MYCT1: variants seen among roughly 807,000 people sequenced by gnomAD.
The protein encoded by MYCT1 is MYC target 1.
MYCT1 carries 12 observed loss-of-function variants against 15.0 expected under a neutral mutation model. The observed-to-expected ratio is 0.80, with a 90% CI of 0.51 to 1.29. The LOEUF (loss-of-function observed/expected upper bound fraction) is 1.29, where lower values mean the gene tolerates loss of function less well. MYCT1 is among the 50% of genes most tolerant of loss of function. The pLI, the probability that MYCT1 is intolerant of heterozygous loss-of-function variation, is 0.00. For missense variants in MYCT1, 287 were observed against 279.1 expected (o/e 1.03, Z -0.20); for synonymous variants, 104 against 102.7 (o/e 1.01, Z -0.07).
intron 1 of MYCT1, among the ~76,000 whole-genome samples, chr6:152,706,723 T>G (rs2099722335): frequency 6.6e-6 from 1 of 152,144 alleles, no homozygotes; most frequent in Non-Finnish European, 1.5e-5. Context: ...TGGTTAAAAG[T>G]TAGGGGTATT....
At chr6:152,709,224 G>C (rs2099722791) in intron 1 of MYCT1, among the ~76,000 whole-genome samples, 1 of 27,438 alleles carries the variant, frequency 3.6e-5, no homozygotes, top group Non-Finnish European at 7.7e-5. Context: ...ATTCCATGGT[G>C]TATATGTGCC....
chr6:152,739,529 G>A, the MYCT1 span, among the ~76,000 whole-genome samples: 1 of 151,740 alleles, frequency 6.6e-6, no homozygotes, highest in Non-Finnish European at 1.5e-5. Flanking sequence ...TTTAACTTAA[G>A]CCTCTTTCAT....
intron 1 of MYCT1, among the ~76,000 whole-genome samples, chr6:152,704,964 C>A (rs535336695): frequency 6.6e-6 from 1 of 152,118 alleles, no homozygotes; most frequent in African/African-American, 2.4e-5. Flanking sequence ...CAAGCTCCTG[C>A]GCAACTGAAA....
rs1424735609 is a variant in MYCT1 at position 152,722,061 on chromosome 6, A to G, written c.516A>G (p.Gln172=). 6.2e-7 allele frequency: 1 copy of G among 1,614,128 alleles called. No individual in the cohort carries two copies. Among genetic ancestry groups the G allele is most frequent in the South Asian group, 1.1e-5 (1 of 91,082 alleles). The change falls in exon 2 of 2, where the codon CAA becomes CAG. Residue 172 remains glutamine (Q), a synonymous_variant. Coordinates refer to ENST00000367245, the MANE Select transcript of MYCT1 (RefSeq NM_025107.3). ...FRASTFHPFL[Q]CPPLPVETES... ...CTTCTACTTTCCATCCCTTTCTGCA[A>G]TGTCCACCACTTCCTGTGGAAACTG...
intron 1 of MYCT1, among the ~76,000 whole-genome samples, chr6:152,706,541 A>T (rs1280723242): frequency 6.6e-6 from 1 of 152,156 alleles, no homozygotes; most frequent in Non-Finnish European, 1.5e-5. Context: ...TGTACAAAGT[A>T]GACAAATATC....
At chr6:152,726,005 T>C (rs1177051146), downstream of MYCT1, among the ~76,000 whole-genome samples, 1 of 152,144 alleles carries the variant, frequency 6.6e-6, no homozygotes, top group Non-Finnish European at 1.5e-5. Flanking sequence ...TGGAGTAAAA[T>C]GGCTGCAGTA....
At chr6:152,737,342 T>A in the MYCT1 span, among the ~76,000 whole-genome samples, 1 of 151,928 alleles carries the variant, frequency 6.6e-6, no homozygotes. Flanking sequence ...TGTATGTGTG[T>A]GTTTATATAT....
rs1050595402 is a variant in MYCT1, at chr6:152,722,207, C to A, written c.662C>A (p.Pro221His). ...NSLRVGLSTPPPPAYESIIKA... is the reference protein window; with the variant it reads ...NSLRVGLSTPHPPAYESIIKA... The stretch of plus-strand genomic sequence containing the variant: ...CTTCGAGTGGGCCTTTCAACACCGC[C>A]CCCACCTGCCTATGAGTCCATCATC... Residue 221 changes from proline to histidine, a missense_variant, in exon 2 of 2, where the codon CCC becomes CAC. By Grantham distance (77) the Pro-to-His change is moderately conservative. Transcript: ENST00000367245. The A allele has an allele frequency of 6.2e-6, 10 of 1,613,992 alleles. No homozygotes were observed. The highest frequency in any genetic ancestry group is 8.5e-6 in the Non-Finnish European group (10 of 1,180,026).
chr6:152,707,273 T>G (rs1180410395), intron 1 of MYCT1, among the ~76,000 whole-genome samples: 1 of 152,160 alleles, frequency 6.6e-6, no homozygotes, highest in African/African-American at 2.4e-5. Context: ...GAGCATTTTT[T>G]CATCTACCTA....
At chr6:152,700,766 C>T (rs2099721172) in intron 1 of MYCT1, among the ~76,000 whole-genome samples, 1 of 152,274 alleles carries the variant, frequency 6.6e-6, no homozygotes, top group Admixed American at 6.5e-5. Flanking sequence ...TCTCTCAGTA[C>T]TTGAGAGTCC....
downstream of MYCT1, among the ~76,000 whole-genome samples, chr6:152,728,797 T>C (rs958581889): frequency 1.3e-5 from 2 of 151,990 alleles, no homozygotes; most frequent in Admixed American, 6.6e-5. Context: ...TCCCAACTAC[T>C]TGGGAGGTTG....
At chr6:152,726,392 T>C (rs1052244352), downstream of MYCT1, among the ~76,000 whole-genome samples, 9 of 122,504 alleles carry the variant, frequency 7.3e-5, no homozygotes, top group Non-Finnish European at 3.7e-5. Flanking sequence ...AACAAAACTC[T>C]GTCTAAAAAA....
downstream of MYCT1, among the ~76,000 whole-genome samples, chr6:152,727,127 C>T (rs1200619054): frequency 6.6e-6 from 1 of 150,972 alleles, no homozygotes; most frequent in Non-Finnish European, 1.5e-5. Context: ...AGGAGAATCG[C>T]TTGAACCTGG....
chr6:152,738,440 G>A, the MYCT1 span, among the ~76,000 whole-genome samples: 1 of 150,102 alleles, frequency 6.7e-6, no homozygotes, highest in South Asian at 2.3e-4. Flanking sequence ...AGTGAATTTT[G>A]CCAATTCCTT....
At chr6:152,744,818 A>G in the MYCT1 span, among the ~76,000 whole-genome samples, 4 of 152,190 alleles carry the variant, frequency 2.6e-5, no homozygotes, top group African/African-American at 9.6e-5. Flanking sequence ...AAGAGCAGAG[A>G]GGGTTCCCAG....
chr6:152,705,386 A>G (rs1186993227), intron 1 of MYCT1, among the ~76,000 whole-genome samples: 1 of 152,196 alleles, frequency 6.6e-6, no homozygotes, highest in Non-Finnish European at 1.5e-5. Flanking sequence ...TTTCTACTGA[A>G]TGCTTATGGC....
chr6:152,739,194 A>G, the MYCT1 span, among the ~76,000 whole-genome samples: 1 of 151,850 alleles, frequency 6.6e-6, no homozygotes, highest in East Asian at 1.9e-4. Context: ...TTCCCTTAAA[A>G]AAAAGCCTAC....
chr6:152,740,402 C>T, the MYCT1 span, among the ~76,000 whole-genome samples: 1 of 152,128 alleles, frequency 6.6e-6, no homozygotes, highest in South Asian at 2.1e-4. Context: ...ACTTCCATTT[C>T]ACTTTCTAAA....
chr6:152,729,735 C>A, the MYCT1 span, among the ~76,000 whole-genome samples: 1 of 152,174 alleles, frequency 6.6e-6, no homozygotes, highest in Non-Finnish European at 1.5e-5. Flanking sequence ...TTCAAGCCTA[C>A]ATATTTAAAC....
Sources: allele counts gnomAD v4.1 joint callset (sites outside exome capture counted in the v4.1 genomes callset), GRCh38; gene constraint gnomAD v4.1.1; transcripts MANE v1.5; gene names NCBI Gene and HGNC (gene_info 2026-07-23, HGNC 2026-07-21).